Variants in CCDC172 observed in about 807,000 individuals in gnomAD.
The protein encoded by CCDC172 is coiled-coil domain containing 172, also known as coiled-coil domain-containing protein 172.
In CCDC172, 30 loss-of-function variants were observed where a neutral mutation model predicts 38.0. The observed-to-expected ratio is 0.79, with a 90% CI of 0.59 to 1.07. The LOEUF is 1.07. CCDC172 is among the 50% of genes least tolerant of loss of function. The pLI is 0.00. For synonymous variants in CCDC172, 78 were observed against 88.3 expected (o/e 0.88, Z 0.66); for missense variants, 297 against 290.1 (o/e 1.02, Z -0.17).
intron 3 of CCDC172, 141 bp downstream of exon 3, chr10:116,325,529 G>T: frequency 1.6e-6 from 1 of 620,664 alleles, no homozygotes; most frequent in South Asian, 2.4e-5. Context: ...GTTCCATGTT[G>T]CCTGGTGATG....
chr10:116,360,296 AC>A (rs1321124243), intron 7 of CCDC172, among the ~76,000 whole-genome samples: 2 of 152,092 alleles, frequency 1.3e-5, no homozygotes, highest in East Asian at 3.9e-4. Context: ...TAGTGGTTAA[AC>A]CCTTTTGAAA....
At position 116,353,965 on chromosome 10, in the gene CCDC172, A is replaced by G. The variant is rs376696433; in HGVS notation, c.449-3415A>G. The stretch of plus-strand genomic sequence containing the variant: ...TTCTCAAAGCATTAAACCTAGAGTT[A>G]CCATATGATTCAATGATTCCACTTC... On this transcript the variant is annotated intron_variant, in intron 5 of 8. Transcript: ENST00000333254. Among the ~76,000 whole-genome samples, 11 of 152,320 alleles carry G rather than the reference A, an allele frequency of 7.2e-5. No homozygotes were observed. In the East Asian group the frequency reaches 2.1e-3, roughly 29 times the overall value.
intron 3 of CCDC172, among the ~76,000 whole-genome samples, chr10:116,339,711 A>G (rs1307864053): frequency 6.6e-6 from 1 of 151,954 alleles, no homozygotes; most frequent in East Asian, 1.9e-4. Flanking sequence ...AAATTTGAGC[A>G]ACTTTTTTAA....
In CCDC172 at chr10:116,360,401, G is replaced by A. The variant is rs551421297; in HGVS notation, c.653+2463G>A. 5.3e-5 allele frequency among the ~76,000 whole-genome samples: 8 copies of A among 152,224 alleles called. No homozygotes were observed. The South Asian group carries it at 6.2e-4, about 12-fold the overall frequency. On this transcript the variant is annotated intron_variant, in intron 7 of 8. Coordinates refer to ENST00000333254, the MANE Select transcript of CCDC172 (RefSeq NM_198515.3). The stretch of plus-strand genomic sequence containing the variant: ...TAGTGTTCAATAAATATTTGTTCCC[G>A]TAATTGAGTCTACATATAATTGAAT...
intron 7 of CCDC172, among the ~76,000 whole-genome samples, chr10:116,361,534 G>T (rs1845064344): frequency 6.6e-6 from 1 of 152,126 alleles, no homozygotes. Context: ...TTTTCATTCT[G>T]AGCACTTAAA....
chr10:116,350,275 G>A (rs895897066), intron 5 of CCDC172, among the ~76,000 whole-genome samples: 1 of 152,156 alleles, frequency 6.6e-6, no homozygotes, highest in Non-Finnish European at 1.5e-5. Context: ...AAGCAGAAAC[G>A]GAAACCTAGA....
At chr10:116,359,615 T>C (rs906934436) in intron 7 of CCDC172, among the ~76,000 whole-genome samples, 3 of 152,158 alleles carry the variant, frequency 2.0e-5, no homozygotes, top group African/African-American at 7.2e-5. Context: ...TCTCCAGACA[T>C]TGCAAAATGT....
At chr10:116,353,065 C>T (rs892509126) in intron 5 of CCDC172, among the ~76,000 whole-genome samples, 3 of 151,876 alleles carry the variant, frequency 2.0e-5, no homozygotes, top group Non-Finnish European at 4.4e-5. Flanking sequence ...TGGTGGTGGG[C>T]GCCTGTAGTC....
chr10:116,325,998 A>G (rs1844587900), intron 3 of CCDC172, among the ~76,000 whole-genome samples: 1 of 152,218 alleles, frequency 6.6e-6, no homozygotes, highest in Non-Finnish European at 1.5e-5. Context: ...TCCAGACAGA[A>G]GGAGGAGGCA....
rs1009339020 is a variant in CCDC172, at chr10:116,357,245, ATCTTT to A, written c.449-132_449-128del. 24 of 564,996 alleles carry A rather than the reference ATCTTT, an allele frequency of 4.2e-5. No homozygotes were observed. The African/African-American group carries it at 4.8e-4, about 11-fold the overall frequency. 35.0% of individuals were successfully genotyped at this position (564,996 alleles called of 1,614,324 possible). A position where few individuals can be genotyped will look rare whatever the true frequency, so the allele number is the denominator to read the frequency against. The stretch of plus-strand genomic sequence containing the variant: ...ATTCTTCCAATCCATAGACATGGAT[ATCTTT>A]TCACTTATTTGTGTTGTCTTCACTT... On this transcript the variant is annotated intron_variant, in intron 5 of 8. Coordinates refer to ENST00000333254, the MANE Select transcript of CCDC172 (RefSeq NM_198515.3).
chr10:116,359,926 TA>T (rs1164105541), intron 7 of CCDC172, among the ~76,000 whole-genome samples: 1 of 152,224 alleles, frequency 6.6e-6, no homozygotes, highest in African/African-American at 2.4e-5. Flanking sequence ...TCCATTACTG[TA>T]GAGAACCAGT....
intron 3 of CCDC172, among the ~76,000 whole-genome samples, chr10:116,335,372 T>C (rs1284726356): frequency 6.6e-6 from 1 of 151,916 alleles, no homozygotes; most frequent in Non-Finnish European, 1.5e-5. Context: ...TCTATTTGTT[T>C]TGGCACCAGT....
intron 5 of CCDC172, among the ~76,000 whole-genome samples, chr10:116,350,151 C>G (rs984600185): frequency 6.6e-5 from 10 of 152,156 alleles, no homozygotes; most frequent in African/African-American, 2.4e-4. Context: ...ATTCTAAAGA[C>G]TTTTACTGAA....
intron 7 of CCDC172, among the ~76,000 whole-genome samples, chr10:116,367,464 C>T (rs1845136623): frequency 1.3e-5 from 2 of 152,042 alleles, no homozygotes; most frequent in African/African-American, 2.4e-5. Flanking sequence ...CTGACGCGGG[C>T]GGATCACAAG....
chr10:116,378,891 T>C (rs1316515706), intron 8 of CCDC172, among the ~76,000 whole-genome samples: 1 of 152,166 alleles, frequency 6.6e-6, no homozygotes, highest in Non-Finnish European at 1.5e-5. Flanking sequence ...AAATTATACT[T>C]TTATTATATT....
rs540202042 is a variant in CCDC172, at chr10:116,337,879, A to G, written c.166-2855A>G. Among the ~76,000 whole-genome samples, 3 of 152,314 alleles carry G rather than the reference A, an allele frequency of 2.0e-5. No individual in the cohort carries two copies. In the East Asian group the frequency reaches 5.8e-4, roughly 29 times the overall value. On this transcript the variant is annotated intron_variant, in intron 3 of 8. Coordinates refer to ENST00000333254, the MANE Select transcript of CCDC172 (RefSeq NM_198515.3). Reference sequence around the variant, plus strand: ...TTTCGAATATTTACTTAAATTTTACATATCAGTAGATTTAGTTGTCAAATG... The same window carrying G: ...TTTCGAATATTTACTTAAATTTTACGTATCAGTAGATTTAGTTGTCAAATG...
chr10:116,330,176 A>C (rs551127459), intron 3 of CCDC172, among the ~76,000 whole-genome samples: 15 of 152,270 alleles, frequency 9.9e-5, no homozygotes, highest in Admixed American at 4.6e-4. Context: ...CATTCTTCTT[A>C]TTATTTTGCC....
chr10:116,359,050 T>C (rs1206314841), intron 7 of CCDC172, among the ~76,000 whole-genome samples: 8 of 152,220 alleles, frequency 5.3e-5, no homozygotes, highest in Admixed American at 5.2e-4. Context: ...AGTCCATTCA[T>C]TGCATTTTAG....
Position 116,357,903 on chromosome 10 carries a change from C to T in CCDC172, c.618C>T (p.Ile206=). 6.3e-7 allele frequency: 1 copy of T among 1,577,178 alleles called. No homozygotes were observed. The highest frequency in any genetic ancestry group is 8.6e-7 in the Non-Finnish European group (1 of 1,162,054). The change falls in exon 7 of 9, where the codon ATC becomes ATT. Residue 206 remains isoleucine, a synonymous_variant. Coordinates refer to ENST00000333254, the MANE Select transcript of CCDC172 (RefSeq NM_198515.3). ...ATCTAGAGGCAGAAAAAATAAAAAT[C>T]AGTGAAAAGCCTCAAAATGATACAG... ...TKYLEAEKIK[I]SEKPQNDTEC... is the part of the protein sequence containing the mutation.
Sources: gnomAD v4.1 joint callset for allele counts (sites outside exome capture counted in the v4.1 genomes callset) on GRCh38, gnomAD v4.1.1 for gene constraint, MANE v1.5 for transcripts, NCBI Gene and HGNC (gene_info 2026-07-23, HGNC 2026-07-21) for gene names.